Variants in UBE2B observed in about 807,000 individuals in gnomAD.
The protein encoded by UBE2B is ubiquitin-conjugating enzyme E2 B.
Under a neutral mutation model 24.6 loss-of-function variants are expected in UBE2B, and 11 were observed. The ratio of observed to expected loss-of-function variants is 0.45; its 90% CI spans 0.28 to 0.74. The LOEUF (loss-of-function observed/expected upper bound fraction) is 0.74, where lower values mean the gene tolerates loss of function less well. Among genes scored for constraint, UBE2B ranks in the 30% least tolerant of loss-of-function variants. The pLI is 0.13. For synonymous variants in UBE2B, 68 were observed against 62.4 expected (o/e 1.09, Z -0.42); for missense variants, 78 against 185.6 (o/e 0.42, Z 3.37).
chr5:134,377,120 A>G (rs548510884), intron 3 of UBE2B, among the ~76,000 whole-genome samples: 12 of 152,346 alleles, frequency 7.9e-5, no homozygotes, highest in Admixed American at 2.6e-4. Context: ...TTTAACACCC[A>G]TAAGTAGTTA....
chr5:134,380,843 T>G, intron 4 of UBE2B, 35 bp downstream of exon 4: 1 of 1,424,466 alleles, frequency 7.0e-7, no homozygotes, highest in South Asian at 1.2e-5. Context: ...CAGATGATAG[T>G]GGGGAAAAGA....
intron 3 of UBE2B, among the ~76,000 whole-genome samples, chr5:134,378,684 CTTTT>C (rs35744774): frequency 6.6e-6 from 1 of 151,834 alleles, no homozygotes; most frequent in Non-Finnish European, 1.5e-5. Flanking sequence ...ATTTGAATGA[CTTTT>C]TTTCATGGAA....
chr5:134,376,506 A>G (rs1019480953), intron 2 of UBE2B, among the ~76,000 whole-genome samples, 163 bp from the exon 3 acceptor site: 6 of 150,956 alleles, frequency 4.0e-5, no homozygotes, highest in East Asian at 3.9e-4. Context: ...GCCTGGGTCT[A>G]TGAAAATCCA....
At chr5:134,377,737 C>T (rs1182053173) in intron 3 of UBE2B, among the ~76,000 whole-genome samples, 5 of 152,040 alleles carry the variant, frequency 3.3e-5, no homozygotes, top group Admixed American at 6.6e-5. Context: ...GGGACCCATA[C>T]GATCAAATCT....
At position 134,371,577 on chromosome 5, in the gene UBE2B, C is replaced by CGCGGGGCAGCT; in HGVS notation, c.-14_-4dup. The CGCGGGGCAGCT allele has an allele frequency of 6.2e-7, 1 of 1,611,888 alleles. No individual in the cohort carries two copies. Among genetic ancestry groups the CGCGGGGCAGCT allele is most frequent in the African/African-American group, 1.3e-5 (1 of 74,852 alleles). On this transcript the variant is annotated 5_prime_UTR_variant, in exon 1 of 6. Transcript: ENST00000265339. ...GGGACTTTTTTTTTTTCAGACTGAC[C>CGCGGGGCAGCT]GCGGGGCAGCTGCGGAGCATGTCGA...
chr5:134,388,716 A>G, intron 5 of UBE2B, among the ~76,000 whole-genome samples: 1 of 152,076 alleles, frequency 6.6e-6, no homozygotes, highest in East Asian at 1.9e-4. Context: ...GTAGATAAGC[A>G]TTGAGTATGT....
intron 3 of UBE2B, among the ~76,000 whole-genome samples, chr5:134,380,300 C>T (rs899857652): frequency 3.3e-5 from 5 of 152,092 alleles, no homozygotes; most frequent in Non-Finnish European, 7.4e-5. Flanking sequence ...CAGAGCATAG[C>T]GGCATGATCT....
intron 4 of UBE2B, among the ~76,000 whole-genome samples, chr5:134,385,022 A>G (rs980145761): frequency 2.0e-5 from 3 of 152,232 alleles, no homozygotes; most frequent in African/African-American, 7.2e-5. Context: ...GTGATATAAT[A>G]GTATCTGTGA....
chr5:134,377,118 C>A (rs1281109973), intron 3 of UBE2B, among the ~76,000 whole-genome samples: 1 of 152,052 alleles, frequency 6.6e-6, no homozygotes, highest in Non-Finnish European at 1.5e-5. Flanking sequence ...CATTTAACAC[C>A]CATAAGTAGT....
rs758279890 is a variant in UBE2B, at chr5:134,371,592, G to T, written c.-4G>T. The T allele has an allele frequency of 6.2e-7, 1 of 1,612,748 alleles. No individual in the cohort carries two copies. ...TCAGACTGACCGCGGGGCAGCTGCG[G>T]AGCATGTCGACCCCGGCCCGGAGGA... On this transcript the variant is annotated 5_prime_UTR_variant, in exon 1 of 6. Transcript: ENST00000265339.
At chr5:134,373,341 A>T (rs1197659916) in intron 1 of UBE2B, among the ~76,000 whole-genome samples, 1 of 151,312 alleles carries the variant, frequency 6.6e-6, no homozygotes, top group African/African-American at 2.4e-5. Flanking sequence ...GCCATTTTGC[A>T]GAAGTAGCCT....
Position 134,374,383 on chromosome 5 carries a change from G to C in UBE2B, c.45G>C (p.Arg15=). 1.3e-6 allele frequency: 2 copies of C among 1,553,620 alleles called. No individual in the cohort carries two copies. Among genetic ancestry groups the C allele is most frequent in the Non-Finnish European group, 1.7e-6 (2 of 1,147,808 alleles). ...ARRRLMRDFK[R]LQEDPPVGVS... ...TTAAATTACCACGCTGGATTTCCAGGTTACAAGAGGACCCACCTGTGGGTG... is the reference window on the plus strand; with the variant it reads ...TTAAATTACCACGCTGGATTTCCAGCTTACAAGAGGACCCACCTGTGGGTG... The change falls in exon 2 of 6, where the codon CGG becomes CGC. Residue 15 remains arginine (R), a splice_region_variant and synonymous_variant. Transcript: ENST00000265339.
chr5:134,388,553 A>T lies in UBE2B; in HGVS notation c.330+140A>T. On this transcript the variant is annotated intron_variant, in intron 5 of 5. Coordinates refer to ENST00000265339, the MANE Select transcript of UBE2B (RefSeq NM_003337.4). ...TAACTTTTCTCTTTCAGTAGTGCCTACTTGGGATCCAGTCTGCAGTCCCTT... is the reference window on the plus strand; with the variant it reads ...TAACTTTTCTCTTTCAGTAGTGCCTTCTTGGGATCCAGTCTGCAGTCCCTT... The T allele has an allele frequency of 1.3e-5, 10 of 750,194 alleles. No homozygotes were observed. The South Asian group carries it at 1.5e-4, about 11-fold the overall frequency. The allele number at this position is 750,194 out of a possible 1,614,324, so 46.5% of individuals were successfully genotyped here.
At chr5:134,383,070 C>T (rs1251963049) in intron 4 of UBE2B, among the ~76,000 whole-genome samples, 3 of 151,800 alleles carry the variant, frequency 2.0e-5, no homozygotes, top group African/African-American at 4.8e-5. Context: ...GAGGCTGAGG[C>T]GGGAGAATTG....
intron 5 of UBE2B, among the ~76,000 whole-genome samples, chr5:134,389,338 A>G (rs35811065): frequency 0.01 from 1,564 of 152,282 alleles, 24 homozygotes; most frequent in African/African-American, 0.036. Context: ...TAAAGGAAAT[A>G]AGACTTATCT....
At chr5:134,378,259 G>T (rs34116834) in intron 3 of UBE2B, among the ~76,000 whole-genome samples, 23,049 of 151,672 alleles carry the variant, frequency 0.15, 2,218 homozygotes, top group African/African-American at 0.27. Context: ...ATCTATGTGG[G>T]TTTTTTTTGT....
intron 2 of UBE2B, among the ~76,000 whole-genome samples, chr5:134,376,420 T>C (rs1207883285): frequency 1.5e-5 from 2 of 137,750 alleles, no homozygotes; most frequent in African/African-American, 2.7e-5. Flanking sequence ...TGTGCTAAAA[T>C]TATGGGCAAG....
chr5:134,376,338 A>ATATAT (rs1276778610), intron 2 of UBE2B, among the ~76,000 whole-genome samples: 3 of 4,378 alleles, frequency 6.9e-4, no homozygotes, highest in African/African-American at 9.5e-4. Flanking sequence ...AAAAAAAAAA[A>ATATAT]AAAAAAAAAA....
In UBE2B at chr5:134,390,597, T is replaced by A. The variant is rs1422151099; in HGVS notation, c.*244T>A. 2.3e-6 allele frequency: 1 copy of A among 425,886 alleles called. No individual in the cohort carries two copies. The highest frequency in any genetic ancestry group is 4.3e-6 in the Non-Finnish European group (1 of 234,554). The allele number at this position is 425,886 out of a possible 1,614,324, so 26.4% of individuals were successfully genotyped here. On this transcript the variant is annotated 3_prime_UTR_variant, in exon 6 of 6. Transcript: ENST00000265339. This position sits in a 1 kb window ranked among gnomAD's most constrained non-coding sequence, Gnocchi z 4.6. Reference sequence around the variant, plus strand: ...TATCCTGTTTGTATTTTTTTCCAAGTGTATAATGTTGGTGTGGAGTTTTCA... The same window carrying A: ...TATCCTGTTTGTATTTTTTTCCAAGAGTATAATGTTGGTGTGGAGTTTTCA...
Sources: gnomAD v4.1 joint callset for allele counts (sites outside exome capture counted in the v4.1 genomes callset) on GRCh38, gnomAD v4.1.1 for gene constraint, Gnocchi (gnomAD v3.1) non-coding constraint, MANE v1.5 for transcripts, NCBI Gene and HGNC (gene_info 2026-07-23, HGNC 2026-07-21) for gene names.